The following ZNF773 variants were observed in gnomAD, a reference collection of about 807,000 sequenced individuals.
ZNF773 encodes the protein zinc finger protein 419B.
In ZNF773, 11 loss-of-function variants were observed where a neutral mutation model predicts 12.8. The ratio of observed to expected loss-of-function variants is 0.86; its 90% CI spans 0.54 to 1.42. ZNF773 has a LOEUF of 1.42. Among genes scored for constraint, ZNF773 ranks in the 40% most tolerant of loss-of-function variants. The probability of loss-of-function intolerance (pLI) is 0.00; values close to 1 mark genes in which losing one functional copy is unlikely to be tolerated. For missense variants in ZNF773, 518 were observed against 527.2 expected (o/e 0.98, Z 0.17); for synonymous variants, 175 against 178.4 (o/e 0.98, Z 0.15).
Position 57,502,920 on chromosome 19 carries a change from T to C in ZNF773, c.34-1737T>C, listed in dbSNP as rs532744026. Among the ~76,000 whole-genome samples the C allele has an allele frequency of 2.0e-5, 3 of 152,210 alleles. No homozygotes were observed. In the South Asian group the frequency reaches 6.2e-4, roughly 32 times the overall value. The stretch of plus-strand genomic sequence containing the variant: ...GTTAGCCAGGATGATCTCGATCTCC[T>C]AACCTCATGATCCGCCCGCTTTGGC... On this transcript the variant is annotated intron_variant, in intron 1 of 3. Transcript: ENST00000282292.
rs147761244 is a variant in ZNF773 at position 57,504,785 on chromosome 19, G to C, written c.162G>C (p.Leu54=). 560 of 1,612,514 alleles carry C rather than the reference G, an allele frequency of 3.5e-4. 1 individual carries two copies. In the African/African-American group the frequency reaches 4.3e-3, roughly 12 times the overall value. The stretch of plus-strand genomic sequence containing the variant: ...AGAACTTTACACTTCTGGCCTCTCT[G>C]GGTAAGGTTCTCACACCCCACCCCA... ...MLENFTLLAS[L]GLASSKTHEI... The change falls in exon 2 of 4, where the codon CTG becomes CTC. Residue 54 remains leucine, a splice_region_variant and synonymous_variant. Transcript: ENST00000282292.
intron 1 of ZNF773, among the ~76,000 whole-genome samples, chr19:57,502,881 T>C (rs112781496): frequency 0.21 from 31,401 of 151,784 alleles, 3,372 homozygotes; most frequent in African/African-American, 0.25. Flanking sequence ...TTAGTAGAGA[T>C]GGGGTTTCAC....
chr19:57,505,439 G>C (rs754494982), intron 3 of ZNF773, 39 bp downstream of exon 3: 1 of 1,607,750 alleles, frequency 6.2e-7, no homozygotes, highest in Non-Finnish European at 8.5e-7. Flanking sequence ...ATGAACTCGG[G>C]TATGGGTTTG....
chr19:57,505,682 TC>T (rs2123260702), intron 3 of ZNF773, among the ~76,000 whole-genome samples: 1 of 150,282 alleles, frequency 6.7e-6, no homozygotes, highest in South Asian at 2.1e-4. Context: ...TCTTGCATAG[TC>T]CTTGGACACC....
chr19:57,508,785 GT>G (rs2089774038), downstream of ZNF773, among the ~76,000 whole-genome samples: 1 of 151,876 alleles, frequency 6.6e-6, no homozygotes, highest in Non-Finnish European at 1.5e-5. Context: ...GAATGACTCA[GT>G]TTTGAGCATT....
rs569828017 is a variant in ZNF773 at position 57,507,541 on chromosome 19, C to A, written c.*117C>A. Reference sequence around the variant, plus strand: ...CATTAGCTATACCTCCAAACTCATTCAACACTGGACAGTTCACAGAGTGGA... The same window carrying A: ...CATTAGCTATACCTCCAAACTCATTAAACACTGGACAGTTCACAGAGTGGA... On this transcript the variant is annotated 3_prime_UTR_variant, in exon 4 of 4. Transcript: ENST00000282292. The A allele has an allele frequency of 1.9e-4, 281 of 1,459,250 alleles. 3 individuals carry two copies. The Middle Eastern group carries it at 3.0e-3, about 16-fold the overall frequency. The allele number at this position is 1,459,250 out of a possible 1,614,324, so 90.4% of individuals were successfully genotyped here.
intron 3 of ZNF773, among the ~76,000 whole-genome samples, chr19:57,505,998 C>T (rs964428192): frequency 1.3e-5 from 2 of 152,152 alleles, no homozygotes; most frequent in Non-Finnish European, 2.9e-5. Context: ...CATGAGGCAC[C>T]GCGCCCATCC....
Position 57,507,390 on chromosome 19 carries a change from A to T in ZNF773, c.1295A>T (p.Lys432Ile). The T allele has an allele frequency of 6.2e-7, 1 of 1,609,020 alleles. No individual in the cohort carries two copies. Among genetic ancestry groups the T allele is most frequent in the Non-Finnish European group, 8.5e-7 (1 of 1,178,066 alleles). The change falls in exon 4 of 4, where the codon AAA becomes ATA. Residue 432 changes from lysine to isoleucine, a missense_variant. Lys to Ile is a moderately radical substitution (Grantham distance 102). Coordinates refer to ENST00000282292, the MANE Select transcript of ZNF773 (RefSeq NM_198542.3). ...TTTCGCCACAGCTCCAGTCTTGTTAAACATCGAAGGATTCACACTGGAGAA... is the reference window on the plus strand; with the variant it reads ...TTTCGCCACAGCTCCAGTCTTGTTATACATCGAAGGATTCACACTGGAGAA... The part of the protein sequence containing the change: ...KFFRHSSSLV[K>I]HRRIHTGEIQ
At chr19:57,504,540 G>C (rs1344160044) in intron 1 of ZNF773, 117 bp from the exon 2 acceptor site, 6 of 1,465,702 alleles carry the variant, frequency 4.1e-6, no homozygotes, top group African/African-American at 2.8e-5. Context: ...TTCTGGGGCA[G>C]GGTCTCTCTT....
At position 57,499,976 on chromosome 19, in the gene ZNF773, A is replaced by T. The variant is rs1387835393; in HGVS notation, c.-105A>T. The T allele has an allele frequency of 2.8e-6, 4 of 1,405,212 alleles. No individual in the cohort carries two copies. In the African/African-American group the frequency reaches 5.8e-5, roughly 20 times the overall value. 87.0% of individuals were successfully genotyped at this position (1,405,212 alleles called of 1,614,324 possible). On this transcript the variant is annotated 5_prime_UTR_variant, in exon 1 of 4. Transcript: ENST00000282292. ...ACCAGCTCCGGAAAGCGCGGTGGGG[A>T]CGCGCTGTGTTCTCGCAGCTCAGAG...
intron 3 of ZNF773, 93 bp downstream of exon 3, chr19:57,505,493 C>A: frequency 7.2e-7 from 1 of 1,394,696 alleles, no homozygotes; most frequent in Non-Finnish European, 1.0e-6. Flanking sequence ...TATTTTGATA[C>A]CAAGGCAAGG....
chr19:57,503,726 T>A (rs7253388), intron 1 of ZNF773, among the ~76,000 whole-genome samples: 2 of 150,442 alleles, frequency 1.3e-5, no homozygotes, highest in Non-Finnish European at 3.0e-5. Context: ...GGCAAGATCT[T>A]GGCTCACGGC....
At chr19:57,512,081 TTGG>T (rs2089800246), downstream of ZNF773, among the ~76,000 whole-genome samples, 1 of 152,202 alleles carries the variant, frequency 6.6e-6, no homozygotes, top group African/African-American at 2.4e-5. Context: ...CATGACTGTG[TTGG>T]TGGTTTCATG....
intron 1 of ZNF773, among the ~76,000 whole-genome samples, chr19:57,501,673 G>T (rs1368037763): frequency 3.3e-5 from 5 of 152,160 alleles, no homozygotes; most frequent in East Asian, 1.9e-4. Context: ...GCTAGACGAG[G>T]GGGCTTGGAT....
chr19:57,506,203 G>C (rs1312411163), intron 3 of ZNF773, among the ~76,000 whole-genome samples, 155 bp from the exon 4 acceptor site: 2 of 152,146 alleles, frequency 1.3e-5, no homozygotes, highest in African/African-American at 2.4e-5. Flanking sequence ...GCCAGGTTCA[G>C]CACTGCACAG....
At chr19:57,515,394 C>G (rs866591225), downstream of ZNF773, 1 of 152,260 alleles carries the variant, frequency 6.6e-6, no homozygotes, top group Non-Finnish European at 1.5e-5. Flanking sequence ...CAGGCTTGAG[C>G]TATTGCGCAA....
Position 57,507,339 on chromosome 19 carries a change from A to C in ZNF773, c.1244A>C (p.Tyr415Ser). 6.2e-7 allele frequency: 1 copy of C among 1,614,234 alleles called. No homozygotes were observed. Among genetic ancestry groups the C allele is most frequent in the African/African-American group, 1.3e-5 (1 of 75,068 alleles). ...AGGGTTCACACTGGAGCAAAGCCTT[A>C]TGAGTGCAGGGAATGTGGGAAATTT... ...HQRVHTGAKPYECRECGKFFR... is the reference protein window; with the variant it reads ...HQRVHTGAKPSECRECGKFFR... The change falls in exon 4 of 4, where the codon TAT (tyrosine) becomes TCT (serine). Residue 415 changes from tyrosine to serine, a missense_variant. Coordinates refer to ENST00000282292, the MANE Select transcript of ZNF773 (RefSeq NM_198542.3).
At chr19:57,504,074 T>C (rs2089699256) in intron 1 of ZNF773, among the ~76,000 whole-genome samples, 1 of 152,156 alleles carries the variant, frequency 6.6e-6, no homozygotes, top group Non-Finnish European at 1.5e-5. Context: ...TCCAAGTAGC[T>C]GAAGGTGAAG....
At chr19:57,505,991 G>A (rs1291820981) in intron 3 of ZNF773, among the ~76,000 whole-genome samples, 2 of 152,172 alleles carry the variant, frequency 1.3e-5, no homozygotes, top group African/African-American at 4.8e-5. Context: ...TTACAGGCAT[G>A]AGGCACCGCG....
Sources: gnomAD v4.1 joint callset for allele counts (sites outside exome capture counted in the v4.1 genomes callset) on GRCh38, gnomAD v4.1.1 for gene constraint, MANE v1.5 for transcripts, NCBI Gene and HGNC (gene_info 2026-07-23, HGNC 2026-07-21) for gene names.